IREB2: variants seen among roughly 807,000 people sequenced by gnomAD.
The protein encoded by IREB2 is iron-responsive element-binding protein 2.
A neutral mutation model predicts 118.8 loss-of-function variants in IREB2; 39 were observed. The ratio of observed to expected loss-of-function variants is 0.33; its 90% CI spans 0.25 to 0.43. IREB2 has a LOEUF of 0.43. IREB2 is among the 20% of genes least tolerant of loss of function. IREB2 has a pLI of 1.00. For missense variants in IREB2, 900 were observed against 1,147.3 expected, an observed-to-expected ratio of 0.78 and a Z score of 3.11; for synonymous variants, 372 against 392.2, an observed-to-expected ratio of 0.95 and a Z score of 0.61.
At chr15:78,473,168 T>C (rs2051407826) in intron 7 of IREB2, 74 bp from the exon 8 acceptor site, 1 of 1,405,858 alleles carries the variant, frequency 7.1e-7, no homozygotes, top group East Asian at 2.3e-5. Flanking sequence ...ATGAAACACC[T>C]AGAGATTCAG....
At chr15:78,487,511 A>G (rs1292260430) in intron 13 of IREB2, among the ~76,000 whole-genome samples, 1 of 152,194 alleles carries the variant, frequency 6.6e-6, no homozygotes, top group East Asian at 1.9e-4. Context: ...GCTTGAGCCC[A>G]GGAGGTTAAG....
In IREB2 at chr15:78,490,669, A is replaced by G. The variant is rs2051735416; in HGVS notation, c.2232A>G (p.Leu744=). The G allele has an allele frequency of 1.2e-6, 2 of 1,613,994 alleles. No homozygotes were observed. Among genetic ancestry groups the G allele is most frequent in the Non-Finnish European group, 1.7e-6 (2 of 1,179,970 alleles). ...CTATTGAAAATGCCCATGTCTTATT[A>G]TATTTGGGAGACTCTGTCACAACAG... The part of the protein sequence containing the change: ...LQAIENAHVL[L]YLGDSVTTDH... The change falls in exon 18 of 22, where the codon TTA becomes TTG. Residue 744 remains leucine (L), a synonymous_variant. Transcript: ENST00000258886.
intron 9 of IREB2, among the ~76,000 whole-genome samples, chr15:78,477,791 C>T (rs2051496339): frequency 6.6e-6 from 1 of 151,952 alleles, no homozygotes; most frequent in South Asian, 2.1e-4. Flanking sequence ...TGTGGCAGTA[C>T]AGACTTATAG....
In IREB2 at chr15:78,485,838, T is replaced by G. The variant is rs143545986; in HGVS notation, c.1707T>G (p.Leu569=). The G allele has an allele frequency of 3.1e-6, 5 of 1,613,028 alleles. No homozygotes were observed. Among genetic ancestry groups the G allele is most frequent in the African/African-American group, 2.7e-5 (2 of 74,902 alleles). ...SSGVLPYLSK[L]GFEIVGYGCS... ...GAGTATTACCATATCTAAGTAAGCTTGGGTAAGTAACAGCTATCGCACTTC... is the reference window on the plus strand; with the variant it reads ...GAGTATTACCATATCTAAGTAAGCTGGGGTAAGTAACAGCTATCGCACTTC... The change falls in exon 13 of 22, where the codon CTT becomes CTG. Residue 569 remains leucine (L), a splice_region_variant and synonymous_variant. Transcript: ENST00000258886.
intron 2 of IREB2, among the ~76,000 whole-genome samples, chr15:78,440,850 T>C (rs1761451954): frequency 1.3e-5 from 2 of 152,224 alleles, no homozygotes; most frequent in Non-Finnish European, 1.5e-5. Context: ...AACCTTTCTC[T>C]GTGGTCTCAG....
intron 2 of IREB2, among the ~76,000 whole-genome samples, chr15:78,456,909 T>A (rs909641538): frequency 6.6e-6 from 1 of 152,208 alleles, no homozygotes; most frequent in Non-Finnish European, 1.5e-5. Flanking sequence ...CTACTCTTTC[T>A]TGATTTTCCG....
At chr15:78,465,982 A>G (rs115910107) in intron 4 of IREB2, among the ~76,000 whole-genome samples, 1,941 of 152,322 alleles carry the variant, frequency 0.013, 42 homozygotes, top group African/African-American at 0.044. Context: ...GGGGGAAAAA[A>G]TCTATTTCAG....
At position 78,501,122 on chromosome 15, in the gene IREB2, AAG is replaced by A. The variant is rs2051937349; in HGVS notation, c.*2985_*2986del. On this transcript the variant is annotated 3_prime_UTR_variant, in exon 22 of 22. Coordinates refer to ENST00000258886, the MANE Select transcript of IREB2 (RefSeq NM_004136.4). Reference sequence around the variant, plus strand: ...CCTATCTTAGTTTGGTTGGAGTAATAAGAGAGAAGAAGAGGGTGGACTTTGGC... The same window carrying A: ...CCTATCTTAGTTTGGTTGGAGTAATAAGAGAAGAAGAGGGTGGACTTTGGC... 6.6e-6 allele frequency: 1 copy of A among 152,206 alleles called. No homozygotes were observed. The highest frequency in any genetic ancestry group is 2.4e-5 in the African/African-American group (1 of 41,466). 9.4% of individuals were successfully genotyped at this position (152,206 alleles called of 1,614,324 possible). A position where few individuals can be genotyped will look rare whatever the true frequency, so the allele number is the denominator to read the frequency against.
chr15:78,458,155 C>T (rs1213446061), intron 2 of IREB2, among the ~76,000 whole-genome samples: 1 of 152,104 alleles, frequency 6.6e-6, no homozygotes, highest in Non-Finnish European at 1.5e-5. Flanking sequence ...GGCTTTGAAT[C>T]TAGTATTTCT....
At chr15:78,496,191 T>C (rs1360755358) in intron 20 of IREB2, among the ~76,000 whole-genome samples, 1 of 152,230 alleles carries the variant, frequency 6.6e-6, no homozygotes, top group Non-Finnish European at 1.5e-5. Context: ...CTATCTCTGT[T>C]TTCTAAATAT....
At chr15:78,460,803 A>G (rs1488688042) in intron 2 of IREB2, among the ~76,000 whole-genome samples, 2 of 152,186 alleles carry the variant, frequency 1.3e-5, no homozygotes, top group Non-Finnish European at 2.9e-5. Context: ...GTAAGGACTT[A>G]ACTTGGCTAC....
At chr15:78,475,952 G>A (rs978566011) in intron 8 of IREB2, 7 of 330,498 alleles carry the variant, frequency 2.1e-5, no homozygotes, top group Non-Finnish European at 3.8e-5. Context: ...TAGCCACCTT[G>A]AGCTTTCAGG....
At chr15:78,494,492 TATGTG>T (rs1173912786) in intron 20 of IREB2, among the ~76,000 whole-genome samples, 2 of 152,212 alleles carry the variant, frequency 1.3e-5, no homozygotes, top group African/African-American at 2.4e-5. Context: ...ACATCAGTCT[TATGTG>T]AAGAAGTCAG....
intron 2 of IREB2, among the ~76,000 whole-genome samples, chr15:78,453,621 G>T (rs2051060832): frequency 6.6e-6 from 1 of 152,210 alleles, no homozygotes; most frequent in Non-Finnish European, 1.5e-5. Flanking sequence ...TTAGTAGGAG[G>T]AAGTCCGCAG....
At chr15:78,442,758 C>T (rs1847528) in intron 2 of IREB2, among the ~76,000 whole-genome samples, 4,060 of 152,296 alleles carry the variant, frequency 0.027, 195 homozygotes, top group African/African-American at 0.094. Context: ...CTCGTCCTTT[C>T]TTCCCGTTCT....
chr15:78,454,800 C>G (rs879813639), intron 2 of IREB2, among the ~76,000 whole-genome samples: 7 of 152,180 alleles, frequency 4.6e-5, no homozygotes, highest in Admixed American at 2.0e-4. Context: ...CTCAAGGGAG[C>G]CTCCCGCTTC....
At chr15:78,449,040 G>A (rs553175244) in intron 2 of IREB2, among the ~76,000 whole-genome samples, 1 of 152,150 alleles carries the variant, frequency 6.6e-6, no homozygotes, top group Non-Finnish European at 1.5e-5. Flanking sequence ...TTTTAAATCT[G>A]TTGTGTACAG....
intron 10 of IREB2, among the ~76,000 whole-genome samples, 176 bp from the exon 11 acceptor site, chr15:78,483,142 G>T (rs1358979614): frequency 6.6e-6 from 1 of 152,148 alleles, no homozygotes; most frequent in Non-Finnish European, 1.5e-5. Context: ...ACATTTAAAT[G>T]TGCTTGTTTT....
Position 78,465,360 on chromosome 15 carries a change from C to G in IREB2, c.382C>G (p.His128Asp). ...TTGTCCGACAGATCTTACAGTTGACCATTCTTTACAAATTGACTTCAGTAA... is the reference window on the plus strand; with the variant it reads ...TTGTCCGACAGATCTTACAGTTGACGATTCTTTACAAATTGACTTCAGTAA... ...PACPTDLTVD[H>D]SLQIDFSKCA... The change falls in exon 4 of 22, where the codon CAT becomes GAT. Residue 128 changes from histidine to aspartate, a missense_variant. Transcript: ENST00000258886. 1 of 1,612,380 alleles carries G rather than the reference C, an allele frequency of 6.2e-7. No homozygotes were observed.
Sources: allele counts gnomAD v4.1 joint callset (sites outside exome capture counted in the v4.1 genomes callset), GRCh38; gene constraint gnomAD v4.1.1; transcripts MANE v1.5; gene names NCBI Gene and HGNC (gene_info 2026-07-23, HGNC 2026-07-21).